The following HS3ST3B1 variants were observed in gnomAD, a reference collection of about 807,000 sequenced individuals.
HS3ST3B1 encodes heparan sulfate-glucosamine 3-sulfotransferase 3B1.
A neutral mutation model predicts 21.3 loss-of-function variants in HS3ST3B1; 13 were observed. The observed-to-expected ratio is 0.61, with a 90% confidence interval of 0.40 to 0.97. The LOEUF is 0.97. Among genes scored for constraint, HS3ST3B1 ranks in the 50% least tolerant of loss-of-function variants. The pLI, the probability that HS3ST3B1 is intolerant of heterozygous loss-of-function variation, is 0.00. For synonymous variants in HS3ST3B1, 234 were observed against 254.8 expected (o/e 0.92, Z 0.78); for missense variants, 459 against 554.8 (o/e 0.83, Z 1.73).
chr17:14,311,490 C>A (rs537653000), intron 1 of HS3ST3B1, among the ~76,000 whole-genome samples: 1 of 152,222 alleles, frequency 6.6e-6, no homozygotes, highest in Non-Finnish European at 1.5e-5. Context: ...TATCACCATC[C>A]TCTACCAGAC....
At chr17:14,326,622 C>G (rs1909825119) in intron 1 of HS3ST3B1, among the ~76,000 whole-genome samples, 1 of 152,042 alleles carries the variant, frequency 6.6e-6, no homozygotes, top group African/African-American at 2.4e-5. Flanking sequence ...TCACTTCCAC[C>G]TACTCTTGGG....
In HS3ST3B1 at chr17:14,303,204, C is replaced by T. The variant is rs2142320423; in HGVS notation, c.554+1132C>T. Among the ~76,000 whole-genome samples, 1 of 152,194 alleles carries T rather than the reference C, an allele frequency of 6.6e-6. No individual in the cohort carries two copies. The highest frequency in any genetic ancestry group is 2.1e-4 in the South Asian group (1 of 4,830). Reference sequence around the variant, plus strand: ...TTCGTTGGGGTCTCCACCCGTAACCCCAGCCAGCACGACATTCAGACACCC... The same window carrying T: ...TTCGTTGGGGTCTCCACCCGTAACCTCAGCCAGCACGACATTCAGACACCC... On this transcript the variant is annotated intron_variant, in intron 1 of 1. Transcript: ENST00000360954. The surrounding 1 kb of genome is among the most constrained non-coding windows in gnomAD (Gnocchi z 5.7).
intron 1 of HS3ST3B1, among the ~76,000 whole-genome samples, chr17:14,310,409 C>T (rs555711565): frequency 1.3e-5 from 2 of 152,310 alleles, no homozygotes; most frequent in South Asian, 2.1e-4. Flanking sequence ...GCCCCAGCCC[C>T]AGCCTTTGCG....
At chr17:14,302,775 C>G (rs1908983364) in intron 1 of HS3ST3B1, among the ~76,000 whole-genome samples, 1 of 152,166 alleles carries the variant, frequency 6.6e-6, no homozygotes. Flanking sequence ...GCTGGAGCGG[C>G]GCGAGGCTTT....
chr17:14,337,441 C>T (rs1032726838), intron 1 of HS3ST3B1, among the ~76,000 whole-genome samples: 6 of 151,750 alleles, frequency 4.0e-5, no homozygotes, highest in Non-Finnish European at 7.4e-5. Flanking sequence ...GACTCTCCTG[C>T]CTCAGCCTCC....
intron 1 of HS3ST3B1, among the ~76,000 whole-genome samples, chr17:14,319,381 G>A (rs1909590295): frequency 6.6e-6 from 1 of 152,156 alleles, no homozygotes; most frequent in Non-Finnish European, 1.5e-5. Context: ...CAGTCCCTGA[G>A]GATTGATTAT....
intron 1 of HS3ST3B1, among the ~76,000 whole-genome samples, chr17:14,323,850 C>T (rs1244136210): frequency 6.6e-6 from 1 of 152,178 alleles, no homozygotes; most frequent in Non-Finnish European, 1.5e-5. Flanking sequence ...GAGCTCAGCT[C>T]TTGTTCTCTC....
chr17:14,319,343 C>T (rs1909589177), intron 1 of HS3ST3B1, among the ~76,000 whole-genome samples: 1 of 152,166 alleles, frequency 6.6e-6, no homozygotes, highest in Non-Finnish European at 1.5e-5. Flanking sequence ...ACCGTGTACC[C>T]TCCTCCCAGA....
At chr17:14,313,245 G>A (rs1322205949) in intron 1 of HS3ST3B1, among the ~76,000 whole-genome samples, 3 of 151,604 alleles carry the variant, frequency 2.0e-5, no homozygotes, top group African/African-American at 7.3e-5. Flanking sequence ...TGGGATTACA[G>A]GTGTGAGCCA....
In HS3ST3B1 at chr17:14,301,466, G is replaced by A. The variant is rs2142318172; in HGVS notation, c.-53G>A. 1 of 1,379,370 alleles carries A rather than the reference G, an allele frequency of 7.2e-7. No individual in the cohort carries two copies. Among genetic ancestry groups the A allele is most frequent in the Non-Finnish European group, 9.4e-7 (1 of 1,067,014 alleles). The allele number at this position is 1,379,370 out of a possible 1,614,324, so 85.4% of individuals were successfully genotyped here. On this transcript the variant is annotated 5_prime_UTR_variant, in exon 1 of 2. Transcript: ENST00000360954. ...ACCCTCTCTGCGCTCACTGCCCGGC[G>A]GGACCCACGCCATGTGCTGAGCCAT... is the stretch of plus-strand genomic sequence containing the variant.
At position 14,328,419 on chromosome 17, in the gene HS3ST3B1, T is replaced by A. The variant is rs1287974904; in HGVS notation, c.555-16609T>A. On this transcript the variant is annotated intron_variant, in intron 1 of 1. Transcript: ENST00000360954. ...TGCTGAAAGTTGATTCCGGGTAGCA[T>A]CTGAACTTCACAAGCTGAGAATTCC... The A allele has an allele frequency of 2.0e-5, 3 of 152,220 alleles. No individual in the cohort carries two copies. The East Asian group carries it at 5.8e-4, about 29-fold the overall frequency. The allele number at this position is 152,220 out of a possible 1,614,324, so 9.4% of individuals were successfully genotyped here. A position where few individuals can be genotyped will look rare whatever the true frequency, so the allele number is the denominator to read the frequency against.
At position 14,303,685 on chromosome 17, in the gene HS3ST3B1, C is replaced by A. The variant is rs1160127417; in HGVS notation, c.554+1613C>A. On this transcript the variant is annotated intron_variant, in intron 1 of 1. Coordinates refer to ENST00000360954, the MANE Select transcript of HS3ST3B1 (RefSeq NM_006041.3). This position sits in a 1 kb window ranked among gnomAD's most constrained non-coding sequence, Gnocchi z 5.7. ...GGTACGGTAAGGTGCCTCGCAGGCACGTGAGGGCCTCTCTAATCGTTAGCT... is the reference window on the plus strand; with the variant it reads ...GGTACGGTAAGGTGCCTCGCAGGCAAGTGAGGGCCTCTCTAATCGTTAGCT... Among the ~76,000 whole-genome samples the A allele has an allele frequency of 6.6e-6, 1 of 152,118 alleles. No individual in the cohort carries two copies. Among genetic ancestry groups the A allele is most frequent in the Non-Finnish European group, 1.5e-5 (1 of 68,022 alleles).
intron 1 of HS3ST3B1, among the ~76,000 whole-genome samples, chr17:14,331,147 T>A (rs55784679): frequency 0.063 from 9,635 of 152,216 alleles, 368 homozygotes; most frequent in East Asian, 0.15. Context: ...TTTTGCTTTT[T>A]TTTCCCCCTA....
intron 1 of HS3ST3B1, among the ~76,000 whole-genome samples, chr17:14,323,989 G>A (rs936379079): frequency 3.3e-5 from 5 of 152,206 alleles, no homozygotes; most frequent in East Asian, 1.9e-4. Flanking sequence ...AGAGAACACC[G>A]CTGAGCTTTT....
chr17:14,312,426 C>G (rs1169623947), intron 1 of HS3ST3B1, among the ~76,000 whole-genome samples: 2 of 152,142 alleles, frequency 1.3e-5, no homozygotes, highest in Non-Finnish European at 2.9e-5. Flanking sequence ...TTCTTTCCTC[C>G]CAAAGATGTA....
At chr17:14,302,537 G>T (rs1723795046) in intron 1 of HS3ST3B1, among the ~76,000 whole-genome samples, 1 of 152,150 alleles carries the variant, frequency 6.6e-6, no homozygotes, top group Non-Finnish European at 1.5e-5. Context: ...GGGGAGAGGG[G>T]GTGGGGGCCG....
chr17:14,301,776 C>A lies in HS3ST3B1; in HGVS notation c.258C>A (p.Pro86=). 6.4e-7 allele frequency: 1 copy of A among 1,566,712 alleles called. No individual in the cohort carries two copies. The highest frequency in any genetic ancestry group is 1.2e-5 in the South Asian group (1 of 86,408). The change falls in exon 1 of 2, where the codon CCC becomes CCA. Residue 86 remains proline, a synonymous_variant. Transcript: ENST00000360954. The part of the protein sequence containing the change: ...ALATAPDGTP[P]RLPFRAPPAT... ...CCACAGCTCCGGACGGGACGCCCCCCAGGCTGCCGTTCCGGGCGCCGCCAG... is the reference window on the plus strand; with the variant it reads ...CCACAGCTCCGGACGGGACGCCCCCAAGGCTGCCGTTCCGGGCGCCGCCAG...
intron 1 of HS3ST3B1, among the ~76,000 whole-genome samples, chr17:14,310,512 T>C (rs189491390): frequency 1.3e-5 from 2 of 152,308 alleles, no homozygotes; most frequent in Admixed American, 6.5e-5. Flanking sequence ...AAAGGGCACG[T>C]CGGGAAGTGC....
chr17:14,337,494 A>AT (rs5819471), intron 1 of HS3ST3B1, among the ~76,000 whole-genome samples: 14,426 of 140,850 alleles, frequency 0.1, 887 homozygotes, highest in South Asian at 0.21. Context: ...TGCCTGGCTA[A>AT]TTTTTTTTTT....
Sources: allele counts gnomAD v4.1 joint callset (sites outside exome capture counted in the v4.1 genomes callset), GRCh38; gene constraint gnomAD v4.1.1; non-coding constraint Gnocchi (gnomAD v3.1); transcripts MANE v1.5; gene names NCBI Gene and HGNC (gene_info 2026-07-23, HGNC 2026-07-21).